The following MAGI2 variants were observed in gnomAD, a reference collection of about 807,000 sequenced individuals.
The protein encoded by MAGI2 is membrane associated guanylate kinase, WW and PDZ domain containing 2.
Under a neutral mutation model 133.3 loss-of-function variants are expected in MAGI2, and 35 were observed. The ratio of observed to expected loss-of-function variants is 0.26; its 90% CI spans 0.20 to 0.35. The LOEUF is 0.35. MAGI2 is among the 10% of genes least tolerant of loss of function. The pLI, the probability that MAGI2 is intolerant of heterozygous loss-of-function variation, is 1.00. For missense variants in MAGI2, 1,636 were observed against 1,863.4 expected (o/e 0.88, Z 2.25); for synonymous variants, 729 against 710.6 (o/e 1.03, Z -0.41).
chr7:78,887,645 T>A (rs1239023627), intron 2 of MAGI2, among the ~76,000 whole-genome samples: 3 of 152,248 alleles, frequency 2.0e-5, no homozygotes, highest in African/African-American at 7.2e-5. Flanking sequence ...TCCACCCAAC[T>A]CCCATTTCTT....
chr7:79,257,165 A>T (rs986186278), intron 1 of MAGI2, among the ~76,000 whole-genome samples: 1 of 151,490 alleles, frequency 6.6e-6, no homozygotes, highest in African/African-American at 2.4e-5. Context: ...TATCAGTTAT[A>T]ATAATAATAA....
intron 3 of MAGI2, among the ~76,000 whole-genome samples, chr7:78,608,435 G>A (rs1806060969): frequency 6.6e-6 from 1 of 151,042 alleles, no homozygotes; most frequent in Non-Finnish European, 1.5e-5. Flanking sequence ...CTGAATGTGT[G>A]TGCATATATA....
intron 2 of MAGI2, among the ~76,000 whole-genome samples, chr7:78,665,332 T>A (rs368741518): frequency 6.6e-6 from 1 of 152,150 alleles, no homozygotes; most frequent in African/African-American, 2.4e-5. Flanking sequence ...CATATACATA[T>A]AGGATAGTTA....
chr7:79,099,332 C>G (rs1295812533), intron 1 of MAGI2, among the ~76,000 whole-genome samples: 1 of 151,652 alleles, frequency 6.6e-6, no homozygotes, highest in African/African-American at 2.4e-5. Flanking sequence ...ATAAAAAACA[C>G]CAAAGGGAAA....
intron 2 of MAGI2, among the ~76,000 whole-genome samples, chr7:78,693,785 T>C (rs1439420871): frequency 6.6e-6 from 1 of 152,154 alleles, no homozygotes; most frequent in Admixed American, 6.5e-5. Flanking sequence ...GTAGTTCAAA[T>C]GGTTTCCCTG....
chr7:79,045,352 A>C (rs1174350171), intron 1 of MAGI2, among the ~76,000 whole-genome samples: 1 of 152,190 alleles, frequency 6.6e-6, no homozygotes, highest in Non-Finnish European at 1.5e-5. Context: ...AAATGAGTGC[A>C]TTTTATTATT....
In MAGI2 at chr7:78,612,916, C is replaced by T. The variant is rs552461187; in HGVS notation, c.538+14204G>A. Among the ~76,000 whole-genome samples, 496 of 152,202 alleles carry T rather than the reference C, an allele frequency of 3.3e-3. 1 individual carries two copies. The highest frequency in any genetic ancestry group is 4.7e-3 in the Non-Finnish European group (317 of 68,012). On this transcript the variant is annotated intron_variant, in intron 3 of 21. Transcript: ENST00000354212. ...CGATCTCCTGACCTCGTGATCCGCC[C>T]GCCTCGGCCTCCCAAAGTGCTGGGA...
intron 1 of MAGI2, among the ~76,000 whole-genome samples, chr7:79,434,688 G>A (rs1336830795): frequency 1.3e-5 from 2 of 152,130 alleles, no homozygotes; most frequent in African/African-American, 4.8e-5. Flanking sequence ...AAAAATGACT[G>A]TACTTACAAT....
chr7:78,948,286 C>A (rs1193060844), intron 2 of MAGI2, among the ~76,000 whole-genome samples: 1 of 151,976 alleles, frequency 6.6e-6, no homozygotes, highest in Non-Finnish European at 1.5e-5. Flanking sequence ...TATTTTAATG[C>A]AACTTTTATT....
At chr7:79,257,591 C>T (rs546308006) in intron 1 of MAGI2, among the ~76,000 whole-genome samples, 1 of 152,266 alleles carries the variant, frequency 6.6e-6, no homozygotes, top group South Asian at 2.1e-4. Flanking sequence ...GATGTCTTTA[C>T]AATGAATATG....
intron 3 of MAGI2, among the ~76,000 whole-genome samples, chr7:78,593,328 C>T (rs943239011): frequency 6.6e-6 from 1 of 151,912 alleles, no homozygotes; most frequent in Non-Finnish European, 1.5e-5. Context: ...GGAGGCGGAG[C>T]TTGCAGTGAG....
At chr7:78,355,610 T>C (rs1325494763) in intron 7 of MAGI2, among the ~76,000 whole-genome samples, 2 of 152,202 alleles carry the variant, frequency 1.3e-5, no homozygotes, top group Admixed American at 1.3e-4. Context: ...AAAGCCTAGC[T>C]CCGTGTACTG....
At chr7:78,659,179 C>T (rs568676862) in intron 2 of MAGI2, among the ~76,000 whole-genome samples, 56 of 152,046 alleles carry the variant, frequency 3.7e-4, no homozygotes, top group Non-Finnish European at 6.9e-4. Context: ...AGGCCGGGCG[C>T]GGTGACTCAC....
chr7:78,054,660 T>C (rs1402535194), intron 21 of MAGI2, among the ~76,000 whole-genome samples: 2 of 151,722 alleles, frequency 1.3e-5, no homozygotes, highest in Non-Finnish European at 2.9e-5. Flanking sequence ...TCACTTAATT[T>C]TTTTTTTTCT....
At chr7:79,260,956 T>C (rs1834044862) in intron 1 of MAGI2, among the ~76,000 whole-genome samples, 1 of 152,138 alleles carries the variant, frequency 6.6e-6, no homozygotes, top group Non-Finnish European at 1.5e-5. Context: ...GGTCCAAACA[T>C]GGATAAGATA....
At chr7:78,974,925 T>A (rs1454120777) in intron 2 of MAGI2, among the ~76,000 whole-genome samples, 1 of 151,742 alleles carries the variant, frequency 6.6e-6, no homozygotes, top group Non-Finnish European at 1.5e-5. Context: ...ACAAGGAAGA[T>A]TACCACAAAT....
chr7:79,195,311 T>G (rs1434430662), intron 1 of MAGI2, among the ~76,000 whole-genome samples: 1 of 152,020 alleles, frequency 6.6e-6, no homozygotes, highest in African/African-American at 2.4e-5. Flanking sequence ...GATGTTCATC[T>G]CATCAACTGA....
At chr7:78,657,439 T>C (rs764103836) in intron 2 of MAGI2, among the ~76,000 whole-genome samples, 5 of 152,146 alleles carry the variant, frequency 3.3e-5, no homozygotes, top group Non-Finnish European at 5.9e-5. Flanking sequence ...CTTTAGTAGG[T>C]AAATGGATAA....
chr7:79,428,203 G>A (rs1221839077), intron 1 of MAGI2, among the ~76,000 whole-genome samples: 5 of 152,162 alleles, frequency 3.3e-5, no homozygotes, highest in African/African-American at 1.2e-4. Flanking sequence ...AGGACTGGAT[G>A]AAAACTTGGC....
Sources: allele counts gnomAD v4.1 joint callset (sites outside exome capture counted in the v4.1 genomes callset), GRCh38; gene constraint gnomAD v4.1.1; transcripts MANE v1.5; gene names NCBI Gene and HGNC (gene_info 2026-07-23, HGNC 2026-07-21).